The following BRINP3 variants were observed in gnomAD, a reference collection of about 807,000 sequenced individuals.
The protein encoded by BRINP3 is BMP/retinoic acid-inducible neural-specific protein 3.
In BRINP3, 19 loss-of-function variants were observed where a neutral mutation model predicts 71.0. The observed-to-expected ratio is 0.27, with a 90% CI of 0.19 to 0.39. BRINP3 has a LOEUF of 0.39. Among genes scored for constraint, BRINP3 ranks in the 10% least tolerant of loss-of-function variants. The pLI is 1.00. For missense variants in BRINP3, 959 were observed against 940.8 expected, an observed-to-expected ratio of 1.02 and a Z score of -0.25; for synonymous variants, 380 against 337.7, an observed-to-expected ratio of 1.13 and a Z score of -1.37.
chr1:190,325,140 C>T (rs1666496350), intron 2 of BRINP3, among the ~76,000 whole-genome samples: 1 of 151,822 alleles, frequency 6.6e-6, no homozygotes, highest in Non-Finnish European at 1.5e-5. Flanking sequence ...AGAAAAAAAG[C>T]TTGCTCATAT....
At chr1:190,426,180 A>G (rs754219881) in intron 2 of BRINP3, among the ~76,000 whole-genome samples, 9 of 151,752 alleles carry the variant, frequency 5.9e-5, no homozygotes, top group Non-Finnish European at 8.9e-5. Context: ...AATTTCGAGG[A>G]TTGTTTCTAA....
chr1:190,304,621 C>A (rs1164187923), intron 2 of BRINP3, among the ~76,000 whole-genome samples: 1 of 151,678 alleles, frequency 6.6e-6, no homozygotes, highest in Non-Finnish European at 1.5e-5. Context: ...AAAAACAACA[C>A]AAAATGGATC....
chr1:190,249,223 G>A (rs1039042769), intron 4 of BRINP3, among the ~76,000 whole-genome samples: 8 of 151,784 alleles, frequency 5.3e-5, no homozygotes, highest in Middle Eastern at 6.8e-3. Flanking sequence ...ATCATGTCAC[G>A]TTCACTTATG....
chr1:190,417,495 AC>A (rs1673084493), intron 2 of BRINP3, among the ~76,000 whole-genome samples: 1 of 152,148 alleles, frequency 6.6e-6, no homozygotes, highest in South Asian at 2.1e-4. Context: ...CATTACTGAT[AC>A]AATATTTTTG....
intron 4 of BRINP3, among the ~76,000 whole-genome samples, chr1:190,234,785 C>T (rs1035066096): frequency 6.6e-6 from 1 of 152,086 alleles, no homozygotes; most frequent in African/African-American, 2.4e-5. Flanking sequence ...AAGGCCCACT[C>T]CTTATGGAAG....
At chr1:190,262,230 A>C (rs1298380016) in intron 4 of BRINP3, among the ~76,000 whole-genome samples, 1 of 152,068 alleles carries the variant, frequency 6.6e-6, no homozygotes, top group Non-Finnish European at 1.5e-5. Flanking sequence ...GAACCTTCAT[A>C]ATAACCCTGA....
intron 7 of BRINP3, among the ~76,000 whole-genome samples, chr1:190,159,968 C>T (rs1330499346): frequency 1.3e-5 from 2 of 151,890 alleles, no homozygotes; most frequent in Non-Finnish European, 2.9e-5. Context: ...AAAATTCAAA[C>T]ATTTTATGTA....
intron 6 of BRINP3, among the ~76,000 whole-genome samples, chr1:190,174,654 T>C (rs1168699164): frequency 6.6e-6 from 1 of 152,114 alleles, no homozygotes; most frequent in East Asian, 1.9e-4. Flanking sequence ...ACCAATTTCA[T>C]AGTATTTATA....
chr1:190,238,697 C>T (rs1046046201), intron 4 of BRINP3, among the ~76,000 whole-genome samples: 13 of 149,164 alleles, frequency 8.7e-5, no homozygotes, highest in Admixed American at 4.1e-4. Flanking sequence ...GAGTTTAACT[C>T]GTACAATCAC....
At chr1:190,301,234 T>TACAC (rs1553283783) in intron 2 of BRINP3, among the ~76,000 whole-genome samples, 38 of 123,398 alleles carry the variant, frequency 3.1e-4, no homozygotes, top group African/African-American at 1.1e-3. Flanking sequence ...TATATATATA[T>TACAC]ACACACATAC....
chr1:190,472,363 AC>A (rs753451929), intron 1 of BRINP3, among the ~76,000 whole-genome samples: 6 of 151,658 alleles, frequency 4.0e-5, no homozygotes, highest in Non-Finnish European at 7.4e-5. Flanking sequence ...AAAGAAAAAA[AC>A]ATTAAAAGCC....
At chr1:190,134,068 T>G (rs1654769644) in intron 7 of BRINP3, among the ~76,000 whole-genome samples, 1 of 152,050 alleles carries the variant, frequency 6.6e-6, no homozygotes, top group African/African-American at 2.4e-5. Context: ...ATTCTCAATA[T>G]ATAAGTGAAA....
At chr1:190,106,258 A>C (rs995127115) in intron 7 of BRINP3, among the ~76,000 whole-genome samples, 3 of 151,744 alleles carry the variant, frequency 2.0e-5, no homozygotes, top group African/African-American at 7.2e-5. Context: ...ACAATTATAT[A>C]CATACACATA....
At chr1:190,265,911 T>C (rs1010687111) in intron 3 of BRINP3, among the ~76,000 whole-genome samples, 7 of 152,184 alleles carry the variant, frequency 4.6e-5, no homozygotes, top group Admixed American at 2.0e-4. Context: ...CTGCATAGGA[T>C]ATATTGAAAC....
chr1:190,223,293 C>T (rs1277503149), intron 6 of BRINP3, among the ~76,000 whole-genome samples: 21 of 151,778 alleles, frequency 1.4e-4, no homozygotes, highest in Non-Finnish European at 2.9e-5. Flanking sequence ...ACTAGCAAAC[C>T]AAATTCAACA....
At chr1:190,111,250 G>A (rs1652670938) in intron 7 of BRINP3, among the ~76,000 whole-genome samples, 1 of 148,172 alleles carries the variant, frequency 6.7e-6, no homozygotes, top group Non-Finnish European at 1.5e-5. Context: ...AATTACTTTG[G>A]ACCCGATGGT....
intron 2 of BRINP3, among the ~76,000 whole-genome samples, chr1:190,425,642 T>C (rs1204544837): frequency 2.0e-5 from 3 of 151,768 alleles, no homozygotes; most frequent in Non-Finnish European, 3.0e-5. Context: ...GTTCACCCCT[T>C]TTACTAGAAA....
chr1:190,464,146 T>A lies in BRINP3; in HGVS notation c.-50-9206A>T, dbSNP rs182746335. Reference sequence around the variant, plus strand: ...ACGTCTTTCAAAAAGTGTTTTTTTTTAAAAAAAAAAGTAAACTAAAAGTTA... The same window carrying A: ...ACGTCTTTCAAAAAGTGTTTTTTTTAAAAAAAAAAAGTAAACTAAAAGTTA... On this transcript the variant is annotated intron_variant, in intron 1 of 7. Coordinates refer to ENST00000367462, the MANE Select transcript of BRINP3 (RefSeq NM_199051.3). Among the ~76,000 whole-genome samples, 1,182 of 149,512 alleles carry A rather than the reference T, an allele frequency of 7.9e-3. 11 individuals are homozygous for A. The highest frequency in any genetic ancestry group is 0.01 in the Middle Eastern group (3 of 290).
intron 7 of BRINP3, among the ~76,000 whole-genome samples, chr1:190,157,919 G>A (rs1657007374): frequency 6.6e-6 from 1 of 152,062 alleles, no homozygotes; most frequent in African/African-American, 2.4e-5. Context: ...TACATGCCAT[G>A]GAATACCACA....
Sources: gnomAD v4.1 joint callset for allele counts (sites outside exome capture counted in the v4.1 genomes callset) on GRCh38, gnomAD v4.1.1 for gene constraint, MANE v1.5 for transcripts, NCBI Gene and HGNC (gene_info 2026-07-23, HGNC 2026-07-21) for gene names.